The following LPL variants were observed in gnomAD, a reference collection of about 807,000 sequenced individuals.
LPL encodes lipoprotein lipase.
Under a neutral mutation model 52.2 loss-of-function variants are expected in LPL, and 43 were observed. The ratio of observed to expected loss-of-function variants is 0.82; its 90% CI spans 0.64 to 1.06. The LOEUF (loss-of-function observed/expected upper bound fraction) is 1.06. Ranked by LOEUF, LPL falls within the 50% of genes least tolerant of loss-of-function variation. LPL has a pLI of 0.00. For missense variants in LPL, 639 were observed against 585.3 expected, an observed-to-expected ratio of 1.09 and a Z score of -0.95; for synonymous variants, 244 against 215.6, an observed-to-expected ratio of 1.13 and a Z score of -1.15.
intron 6 of LPL, 123 bp from the exon 7 acceptor site, chr8:19,959,137 T>C (rs1256014652): frequency 2.6e-6 from 3 of 1,158,720 alleles, no homozygotes; most frequent in African/African-American, 1.5e-5. Flanking sequence ...AGTGGTTCCA[T>C]GTGTGTGCAC....
intron 1 of LPL, among the ~76,000 whole-genome samples, chr8:19,945,516 G>A (rs926352301): frequency 6.6e-6 from 1 of 152,138 alleles, no homozygotes; most frequent in Non-Finnish European, 1.5e-5. Flanking sequence ...AAATTTACTA[G>A]AGGATGTGTA....
chr8:19,952,977 G>A (rs1365813658), intron 3 of LPL, among the ~76,000 whole-genome samples: 1 of 152,000 alleles, frequency 6.6e-6, no homozygotes, highest in Non-Finnish European at 1.5e-5. Context: ...GGTTATATAT[G>A]CAAATACATA....
Position 19,965,756 on chromosome 8 carries a change from T to TTA in LPL, c.*446_*447insTA. The TTA allele has an allele frequency of 6.3e-6, 1 of 157,994 alleles. No individual in the cohort carries two copies. The highest frequency in any genetic ancestry group is 1.4e-5 in the Non-Finnish European group (1 of 72,110). 9.8% of individuals were successfully genotyped at this position (157,994 alleles called of 1,614,324 possible). A position where few individuals can be genotyped will look rare whatever the true frequency, so the allele number is the denominator to read the frequency against. On this transcript the variant is annotated 3_prime_UTR_variant, in exon 10 of 10. Coordinates refer to ENST00000650287, the MANE Select transcript of LPL (RefSeq NM_000237.3). ...TCTCCAAGAATACAGAAAATGCTTT[T>TTA]CCGCGGCACGAATCAGACTCATCTA...
At chr8:19,940,927 T>TA (rs150730448) in intron 1 of LPL, among the ~76,000 whole-genome samples, 12,011 of 148,574 alleles carry the variant, frequency 0.081, 1,187 homozygotes, top group African/African-American at 0.24. Flanking sequence ...ACCGTCTCTA[T>TA]AAAAAAAAAA....
At chr8:19,963,923 G>C (rs896386867) in intron 9 of LPL, among the ~76,000 whole-genome samples, 5 of 151,952 alleles carry the variant, frequency 3.3e-5, no homozygotes, top group African/African-American at 1.2e-4. Context: ...CTTAGAAAGA[G>C]ACTTTTAGAT....
At chr8:19,947,729 T>C (rs1196426750) in intron 1 of LPL, among the ~76,000 whole-genome samples, 1 of 133,246 alleles carries the variant, frequency 7.5e-6, no homozygotes, top group East Asian at 2.3e-4. Flanking sequence ...GTCAGTGTTC[T>C]CCACGAAAGC....
Position 19,950,750 on chromosome 8 carries a change from G to C in LPL, c.250-1019G>C, listed in dbSNP as rs1209814845. Among the ~76,000 whole-genome samples the C allele has an allele frequency of 6.6e-6, 1 of 152,140 alleles. No individual in the cohort carries two copies. Among genetic ancestry groups the C allele is most frequent in the African/African-American group, 2.4e-5 (1 of 41,428 alleles). On this transcript the variant is annotated intron_variant, in intron 2 of 9. Transcript: ENST00000650287. This position sits in a 1 kb window ranked among gnomAD's most constrained non-coding sequence, Gnocchi z 4.2. ...ACCAAGGAGGCGGAGGTTGCACTGA[G>C]CTGAGATCATGCCACTGCACTCCAG...
rs2069927162 is a variant in LPL, at chr8:19,950,827, A to AGAAAGGAAGGAAT, written c.250-929_250-917dup. On this transcript the variant is annotated intron_variant, in intron 2 of 9. Coordinates refer to ENST00000650287, the MANE Select transcript of LPL (RefSeq NM_000237.3). This position sits in a 1 kb window ranked among gnomAD's most constrained non-coding sequence, Gnocchi z 4.2. ...AAAAGAAAGGAAAGAAAGGAGGGAA[A>AGAAAGGAAGGAAT]GAAAGGAAGGAATGAAAGGAAGGAA... 6.7e-6 allele frequency among the ~76,000 whole-genome samples: 1 copy of AGAAAGGAAGGAAT among 149,708 alleles called. No individual in the cohort carries two copies. Among genetic ancestry groups the AGAAAGGAAGGAAT allele is most frequent in the Non-Finnish European group, 1.5e-5 (1 of 67,488 alleles).
At chr8:19,949,496 T>C (rs1284699871) in intron 2 of LPL, among the ~76,000 whole-genome samples, 1 of 152,216 alleles carries the variant, frequency 6.6e-6, no homozygotes, top group Non-Finnish European at 1.5e-5. Flanking sequence ...ATCTTTTTCT[T>C]TTTTGAGATG....
Position 19,939,319 on chromosome 8 carries a change from T to C in LPL, c.-122T>C. The C allele has an allele frequency of 3.6e-6, 3 of 831,282 alleles. No individual in the cohort carries two copies. The South Asian group carries it at 4.5e-5, about 12-fold the overall frequency. 51.5% of individuals were successfully genotyped at this position (831,282 alleles called of 1,614,324 possible). ...CTGCCCACTTCTAGCTGCCCTGCCATCCCCTTTAAAGGGCGACTTGCTCAG... is the reference window on the plus strand; with the variant it reads ...CTGCCCACTTCTAGCTGCCCTGCCACCCCCTTTAAAGGGCGACTTGCTCAG... On this transcript the variant is annotated 5_prime_UTR_variant, in exon 1 of 10. Transcript: ENST00000650287. This position sits in a 1 kb window ranked among gnomAD's most constrained non-coding sequence, Gnocchi z 4.0.
intron 6 of LPL, 65 bp from the exon 7 acceptor site, chr8:19,959,195 G>T (rs927546334): frequency 6.2e-7 from 1 of 1,601,458 alleles, no homozygotes; most frequent in Admixed American, 1.7e-5. Flanking sequence ...TGAATTGCCT[G>T]ACTATTTGGG....
chr8:19,953,240 T>G (rs2069950168), intron 3 of LPL, 70 bp from the exon 4 acceptor site: 1 of 888,602 alleles, frequency 1.1e-6, no homozygotes, highest in African/African-American at 1.6e-5. Flanking sequence ...AATATTTATA[T>G]TCATTTTGTT....
rs2070090079 is a variant in LPL at position 19,966,438 on chromosome 8, T to A, written c.*1128T>A. On this transcript the variant is annotated 3_prime_UTR_variant, in exon 10 of 10. Coordinates refer to ENST00000650287, the MANE Select transcript of LPL (RefSeq NM_000237.3). Reference sequence around the variant, plus strand: ...ATCGCGTGCAATGAGCCAGATGGAGTACCATGAGGGTTGCTATTTGTTGTT... The same window carrying A: ...ATCGCGTGCAATGAGCCAGATGGAGAACCATGAGGGTTGCTATTTGTTGTT... 2 of 152,138 alleles carry A rather than the reference T, an allele frequency of 1.3e-5. No homozygotes were observed. The highest frequency in any genetic ancestry group is 4.1e-4 in the South Asian group (2 of 4,830). 9.4% of individuals were successfully genotyped at this position (152,138 alleles called of 1,614,324 possible).
intron 6 of LPL, among the ~76,000 whole-genome samples, chr8:19,956,539 C>T (rs1325697930): frequency 6.6e-6 from 1 of 152,068 alleles, no homozygotes; most frequent in African/African-American, 2.4e-5. Flanking sequence ...GTTTGTTGTC[C>T]AGAATATTCC....
At chr8:19,957,060 G>A (rs1380113032) in intron 6 of LPL, among the ~76,000 whole-genome samples, 2 of 152,158 alleles carry the variant, frequency 1.3e-5, no homozygotes, top group Non-Finnish European at 2.9e-5. Context: ...CTGACCTCAG[G>A]TGATCTGCCC....
intron 7 of LPL, among the ~76,000 whole-genome samples, chr8:19,959,881 C>T (rs188533806): frequency 1.4e-4 from 20 of 147,920 alleles, no homozygotes; most frequent in African/African-American, 1.5e-4. Context: ...CTCTACCTCC[C>T]GAGTTCAAAC....
At chr8:19,963,937 GT>G (rs946486953) in intron 9 of LPL, among the ~76,000 whole-genome samples, 1 of 150,678 alleles carries the variant, frequency 6.6e-6, no homozygotes, top group African/African-American at 2.4e-5. Flanking sequence ...TTTAGATGAA[GT>G]TTTTTTTGTT....
intron 1 of LPL, among the ~76,000 whole-genome samples, chr8:19,947,408 G>A (rs1387136166): frequency 1.3e-5 from 2 of 152,054 alleles, no homozygotes; most frequent in Non-Finnish European, 2.9e-5. Context: ...AAGAGGCTGA[G>A]GCGGGTGGAT....
rs1315151799 is a variant in LPL at position 19,944,435 on chromosome 8, G to A, written c.89-3745G>A. Among the ~76,000 whole-genome samples, 3 of 144,720 alleles carry A rather than the reference G, an allele frequency of 2.1e-5. No homozygotes were observed. The highest frequency in any genetic ancestry group is 5.1e-5 in the African/African-American group (2 of 39,438). 94.9% of individuals were successfully genotyped at this position (144,720 alleles called of 152,430 possible). ...ATGAATTACTGAGGAAGCCCTGTAG[G>A]AGTGAGAGAAAAGGGGGGAGAGAGA... On this transcript the variant is annotated intron_variant, in intron 1 of 9. Transcript: ENST00000650287. This position sits in a 1 kb window ranked among gnomAD's most constrained non-coding sequence, Gnocchi z 4.2.
Sources: allele counts gnomAD v4.1 joint callset (sites outside exome capture counted in the v4.1 genomes callset), GRCh38; gene constraint gnomAD v4.1.1; non-coding constraint Gnocchi (gnomAD v3.1); transcripts MANE v1.5; gene names NCBI Gene and HGNC (gene_info 2026-07-23, HGNC 2026-07-21).